Variants in PDCD7 observed in about 807,000 individuals in gnomAD.
PDCD7 encodes programmed cell death 7.
In PDCD7, 40 loss-of-function variants were observed where a neutral mutation model predicts 42.1. The observed-to-expected ratio is 0.95, with a 90% CI of 0.74 to 1.24. The LOEUF (loss-of-function observed/expected upper bound fraction) is 1.24, where lower values mean the gene tolerates loss of function less well. Ranked by LOEUF, PDCD7 falls within the 50% of genes most tolerant of loss-of-function variation. The pLI is 0.00. For missense variants in PDCD7, 644 were observed against 662.8 expected, an observed-to-expected ratio of 0.97 and a Z score of 0.31; for synonymous variants, 299 against 303.3, an observed-to-expected ratio of 0.99 and a Z score of 0.15.
intron 1 of PDCD7, among the ~76,000 whole-genome samples, chr15:65,132,184 A>G (rs907935350): frequency 6.6e-6 from 1 of 151,070 alleles, no homozygotes; most frequent in Non-Finnish European, 1.5e-5. Context: ...CTGGGGATAC[A>G]TGGTTTAAAA....
chr15:65,133,368 G>A lies in PDCD7; in HGVS notation c.414C>T (p.Leu138=), dbSNP rs2140589921. The A allele has an allele frequency of 1.6e-6, 2 of 1,226,838 alleles. No homozygotes were observed. Among genetic ancestry groups the A allele is most frequent in the South Asian group, 3.6e-5 (1 of 28,048 alleles). 76.0% of individuals were successfully genotyped at this position (1,226,838 alleles called of 1,614,324 possible). ...GCCACTGCCGGTCGCGCAGGCGTTG[G>A]AGGGCCGCATCCCCGAGCACGTCGG... ...PPADVLGDAA[L]QRLRDRQWLE... Residue 138 remains leucine, a synonymous_variant, in exon 1 of 5, where the codon CTC becomes CTT. Coordinates refer to ENST00000204549, the MANE Select transcript of PDCD7 (RefSeq NM_005707.2).
chr15:65,128,505 GGT>G (rs1300296143), intron 2 of PDCD7, among the ~76,000 whole-genome samples: 1 of 152,172 alleles, frequency 6.6e-6, no homozygotes, highest in Non-Finnish European at 1.5e-5. Context: ...TATAGTGTCT[GGT>G]GCTTCCTCCA....
chr15:65,126,368 A>G (rs1459979759), intron 2 of PDCD7, among the ~76,000 whole-genome samples: 3 of 152,118 alleles, frequency 2.0e-5, no homozygotes, highest in African/African-American at 7.2e-5. Context: ...ACTCTTATCC[A>G]GGATGTACCA....
In PDCD7 at chr15:65,133,335, C is replaced by G; in HGVS notation, c.447G>C (p.Ala149=). The G allele has an allele frequency of 7.9e-7, 1 of 1,268,394 alleles. No homozygotes were observed. The highest frequency in any genetic ancestry group is 9.9e-7 in the Non-Finnish European group (1 of 1,009,092). The allele number at this position is 1,268,394 out of a possible 1,614,324, so 78.6% of individuals were successfully genotyped here. A position where few individuals can be genotyped will look rare whatever the true frequency, so the allele number is the denominator to read the frequency against. ...QRLRDRQWLE[A]VFGTPRRAGC... ...CTGCCCGCCGCGGGGTCCCGAACAC[C>G]GCCTCCAGCCACTGCCGGTCGCGCA... Residue 149 remains alanine, a synonymous_variant, in exon 1 of 5, where the codon GCG becomes GCC. Coordinates refer to ENST00000204549, the MANE Select transcript of PDCD7 (RefSeq NM_005707.2).
intron 2 of PDCD7, among the ~76,000 whole-genome samples, chr15:65,125,692 C>T (rs1359258475): frequency 1.3e-5 from 2 of 152,162 alleles, no homozygotes; most frequent in Admixed American, 6.6e-5. Context: ...ATTTAATCCT[C>T]ACGACACCCC....
At chr15:65,132,128 A>G (rs555265981) in intron 1 of PDCD7, among the ~76,000 whole-genome samples, 68 of 143,584 alleles carry the variant, frequency 4.7e-4, no homozygotes, top group East Asian at 3.2e-3. Context: ...GTATGTGTAT[A>G]TATATATATA....
rs749169746 is a variant in PDCD7, at chr15:65,119,735, T to C, written c.1229A>G (p.Lys410Arg). Residue 410 changes from lysine (K) to arginine (R), a missense_variant, in exon 3 of 5, where the codon AAG (lysine) becomes AGG (arginine). Lys to Arg is a conservative substitution (Grantham distance 26). Transcript: ENST00000204549. ...ILLQKREIES[K>R]LFGDPDEFPL... is the part of the protein sequence containing the mutation. ...CAACATACCTGGATCCCCAAACAAC[T>C]TGGACTCAATTTCACGTTTCTGAAG... 5.0e-6 allele frequency: 8 copies of C among 1,611,282 alleles called. No homozygotes were observed. The highest frequency in any genetic ancestry group is 1.3e-5 in the African/African-American group (1 of 74,530).
In PDCD7 at chr15:65,133,545, G is replaced by T; in HGVS notation, c.237C>A (p.Ala79=). Residue 79 remains alanine, a synonymous_variant, in exon 1 of 5, where the codon GCC becomes GCA. Coordinates refer to ENST00000204549, the MANE Select transcript of PDCD7 (RefSeq NM_005707.2). ...EASRGGGGAG[A]FYPVPPPPLP... The stretch of plus-strand genomic sequence containing the variant: ...GCGGCGGTGGTGGCACCGGGTAGAA[G>T]GCGCCAGCGCCGCCTCCGCCGCGGG... 8.1e-7 allele frequency: 1 copy of T among 1,229,190 alleles called. No individual in the cohort carries two copies. Among genetic ancestry groups the T allele is most frequent in the Non-Finnish European group, 1.0e-6 (1 of 986,338 alleles). The allele number at this position is 1,229,190 out of a possible 1,614,324, so 76.1% of individuals were successfully genotyped here.
intron 1 of PDCD7, among the ~76,000 whole-genome samples, chr15:65,131,577 T>C (rs1014477816): frequency 2.6e-5 from 4 of 151,992 alleles, no homozygotes; most frequent in Admixed American, 6.6e-5. Context: ...GGAGAAACCC[T>C]GTCTCTACTA....
Position 65,119,952 on chromosome 15 carries a change from C to T in PDCD7, c.1012G>A (p.Val338Ile), listed in dbSNP as rs757401895. ...LRKEAAARKGVCPPASADETF... is the reference protein window; with the variant it reads ...LRKEAAARKGICPPASADETF... ...TCATCTGCTGAGGCTGGAGGACAGA[C>T]CCCTGGGCAGACAGGACAAAATGGC... Residue 338 changes from valine (V) to isoleucine (I), a missense_variant and splice_region_variant, in exon 3 of 5, where the codon GTC becomes ATC. Val to Ile is a conservative substitution (Grantham distance 29). Transcript: ENST00000204549. 1.2e-6 allele frequency: 2 copies of T among 1,601,550 alleles called. No individual in the cohort carries two copies. Among genetic ancestry groups the T allele is most frequent in the South Asian group, 1.2e-5 (1 of 86,732 alleles).
intron 2 of PDCD7, among the ~76,000 whole-genome samples, chr15:65,123,064 T>C (rs1035952148): frequency 3.3e-5 from 5 of 152,104 alleles, no homozygotes; most frequent in Non-Finnish European, 5.9e-5. Context: ...CTTTCAAGAC[T>C]AACAAACTGT....
At chr15:65,119,325 T>G in intron 4 of PDCD7, 51 bp downstream of exon 4, 1 of 1,261,328 alleles carries the variant, frequency 7.9e-7, no homozygotes, top group South Asian at 1.2e-5. Flanking sequence ...CTTCTTCAAG[T>G]GCTTCCTGCT....
rs1303870902 is a variant in PDCD7 at position 65,129,140 on chromosome 15, C to T, written c.901G>A (p.Val301Ile). The T allele has an allele frequency of 8.1e-6, 13 of 1,613,798 alleles. No homozygotes were observed. The highest frequency in any genetic ancestry group is 1.3e-5 in the African/African-American group (1 of 74,904). Reference protein sequence around the residue: ...EQELKAAADGVLSEVRKKQAD... With the variant: ...EQELKAAADGILSEVRKKQAD... Reference sequence around the variant, plus strand: ...TGTTTTTTCCTCACTTCAGATAGTACGCCATCAGCGGCTGCTTTGAGTTCC... The same window carrying T: ...TGTTTTTTCCTCACTTCAGATAGTATGCCATCAGCGGCTGCTTTGAGTTCC... The change falls in exon 2 of 5, where the codon GTA (valine) becomes ATA (isoleucine). Residue 301 changes from valine to isoleucine, a missense_variant. Transcript: ENST00000204549.
Position 65,129,135 on chromosome 15 carries a change from T to C in PDCD7, c.906A>G (p.Leu302=), listed in dbSNP as rs544996006. 143 of 1,613,994 alleles carry C rather than the reference T, an allele frequency of 8.9e-5. 1 individual carries two copies. The South Asian group carries it at 1.5e-3, about 17-fold the overall frequency. ...CTGCTTGTTTTTTCCTCACTTCAGA[T>C]AGTACGCCATCAGCGGCTGCTTTGA... ...QELKAAADGV[L]SEVRKKQADT... The change falls in exon 2 of 5, where the codon CTA becomes CTG. Residue 302 remains leucine (L), a synonymous_variant. Transcript: ENST00000204549.
In PDCD7 at chr15:65,133,610, G is replaced by A. The variant is rs895442346; in HGVS notation, c.172C>T (p.Pro58Ser). The A allele has an allele frequency of 5.6e-6, 7 of 1,241,816 alleles. No homozygotes were observed. The highest frequency in any genetic ancestry group is 4.7e-5 in the African/African-American group (3 of 64,440). 76.9% of individuals were successfully genotyped at this position (1,241,816 alleles called of 1,614,324 possible). ...GCTCGGGGCTGCAGAGCCAGCGGAG[G>A]CTGAAGGAAGGGGGCGGAGGCCCCC... ...FPGASAPFLQ[P>S]PLALQPRASA... The change falls in exon 1 of 5, where the codon CCT becomes TCT. Residue 58 changes from proline (P) to serine (S), a missense_variant. Physicochemically the swap from Pro to Ser is moderately conservative, Grantham distance 74. Transcript: ENST00000204549.
rs759021203 is a variant in PDCD7, at chr15:65,119,772, CTT to C, written c.1190_1191del (p.Lys397ArgfsTer9). ...TCACGTTTCTGAAGTAAAATTTTCT[CTT>C]TTTCTTTTCTTTGTTTCTTTTCTAA... ...RELEKKQRKE[K>X]EKILLQKREI... On this transcript the variant is annotated frameshift_variant, in exon 3 of 5. Transcript: ENST00000204549. LOFTEE classifies it high-confidence loss of function. 1 of 1,612,278 alleles carries C rather than the reference CTT, an allele frequency of 6.2e-7. No individual in the cohort carries two copies. Among genetic ancestry groups the C allele is most frequent in the Non-Finnish European group, 8.5e-7 (1 of 1,179,576 alleles).
At chr15:65,127,442 C>CGACA (rs1393948308) in intron 2 of PDCD7, among the ~76,000 whole-genome samples, 1 of 139,864 alleles carries the variant, frequency 7.1e-6, no homozygotes, top group East Asian at 2.0e-4. Flanking sequence ...CCGGCCTGGG[C>CGACA]GACAGAGCGA....
rs763817633 is a variant in PDCD7, at chr15:65,118,039, C to T, written c.*678G>A. On this transcript the variant is annotated 3_prime_UTR_variant, in exon 5 of 5. Transcript: ENST00000204549. ...GGTGCTTTCATTAGGATCCTTCTAA[C>T]ATGGAAAAAATACAGCCATTGTCCA... 1.3e-5 allele frequency: 2 copies of T among 152,158 alleles called. No individual in the cohort carries two copies. The highest frequency in any genetic ancestry group is 4.8e-5 in the African/African-American group (2 of 41,440). The allele number at this position is 152,158 out of a possible 1,614,324, so 9.4% of individuals were successfully genotyped here. A position where few individuals can be genotyped will look rare whatever the true frequency, so the allele number is the denominator to read the frequency against.
chr15:65,125,597 TA>T, intron 2 of PDCD7, among the ~76,000 whole-genome samples: 1 of 152,340 alleles, frequency 6.6e-6, no homozygotes, highest in South Asian at 2.1e-4. Flanking sequence ...TATTTCTTGA[TA>T]ATAAAAAGAA....
Sources: allele counts gnomAD v4.1 joint callset (sites outside exome capture counted in the v4.1 genomes callset), GRCh38; gene constraint gnomAD v4.1.1; transcripts MANE v1.5; gene names NCBI Gene and HGNC (gene_info 2026-07-23, HGNC 2026-07-21).